The following HELQ variants were observed in gnomAD, a reference collection of about 807,000 sequenced individuals.
HELQ encodes the protein helicase POLQ-like.
In HELQ, 77 loss-of-function variants were observed where a neutral mutation model predicts 111.6. The observed-to-expected ratio is 0.69, with a 90% CI of 0.57 to 0.83. The LOEUF is 0.83. Among genes scored for constraint, HELQ ranks in the 40% least tolerant of loss-of-function variants. The probability of loss-of-function intolerance (pLI) is 0.00; values close to 1 mark genes in which losing one functional copy is unlikely to be tolerated. For missense variants in HELQ, 1,200 were observed against 1,288.5 expected (o/e 0.93, Z 1.05); for synonymous variants, 438 against 454.7 (o/e 0.96, Z 0.47).
At position 83,432,132 on chromosome 4, in the gene HELQ, T is replaced by C. The variant is rs1007570672; in HGVS notation, c.2184A>G (p.Lys728=). The C allele has an allele frequency of 3.2e-6, 5 of 1,577,940 alleles. No homozygotes were observed. The African/African-American group carries it at 6.8e-5, about 22-fold the overall frequency. Residue 728 remains lysine (K), a synonymous_variant, in exon 10 of 18, where the codon AAA becomes AAG. Coordinates refer to ENST00000295488, the MANE Select transcript of HELQ (RefSeq NM_133636.5). ...ESILILQEKD[K]QQVLELITKP... ...CAACCAAATTGAGTATTACCTGTTG[T>C]TTGTCTTTTTCTTGCAATATGAGGA...
At chr4:83,421,009 C>T (rs1433188089) in intron 15 of HELQ, among the ~76,000 whole-genome samples, 1 of 152,174 alleles carries the variant, frequency 6.6e-6, no homozygotes, top group Non-Finnish European at 1.5e-5. Context: ...AGTTTTCCCA[C>T]ATTGCTCAAG....
At chr4:83,435,949 G>A (rs1474263384) in intron 9 of HELQ, among the ~76,000 whole-genome samples, 1 of 143,674 alleles carries the variant, frequency 7.0e-6, no homozygotes, top group African/African-American at 2.6e-5. Flanking sequence ...GAAAATAAAA[G>A]AATGGAAAAA....
At chr4:83,436,408 G>A (rs1011396713) in intron 9 of HELQ, among the ~76,000 whole-genome samples, 12 of 152,020 alleles carry the variant, frequency 7.9e-5, no homozygotes, top group Non-Finnish European at 1.6e-4. Flanking sequence ...AATTACACAG[G>A]CCTACACCTT....
At chr4:83,442,959 C>T (rs1435705079) in intron 6 of HELQ, among the ~76,000 whole-genome samples, 1 of 152,106 alleles carries the variant, frequency 6.6e-6, no homozygotes, top group Non-Finnish European at 1.5e-5. Flanking sequence ...ACTAGTAGTG[C>T]ACACAAAAAT....
At chr4:83,438,426 C>T (rs1181778740) in intron 8 of HELQ, among the ~76,000 whole-genome samples, 2 of 152,116 alleles carry the variant, frequency 1.3e-5, no homozygotes, top group Non-Finnish European at 2.9e-5. Context: ...GTCCATACAA[C>T]TAAGTGTGAA....
intron 5 of HELQ, among the ~76,000 whole-genome samples, chr4:83,445,461 A>G (rs1032056945): frequency 1.3e-5 from 2 of 152,248 alleles, no homozygotes; most frequent in East Asian, 1.9e-4. Flanking sequence ...ATATTGCAAT[A>G]GCATATCAAT....
Position 83,453,721 on chromosome 4 carries a change from T to C in HELQ, c.522A>G (p.Thr174=), listed in dbSNP as rs1284477655. 15 of 1,613,978 alleles carry C rather than the reference T, an allele frequency of 9.3e-6. No homozygotes were observed. Among genetic ancestry groups the C allele is most frequent in the Non-Finnish European group, 1.2e-5 (14 of 1,179,920 alleles). ...CACCTTCATATCCACTCTGGTTCTC[T>C]GTGTGCTTATCAGTTTGTAATTCAG... is the stretch of plus-strand genomic sequence containing the variant. ...NLTELQTDKH[T]ENQSGYEGVT... The change falls in exon 2 of 18, where the codon ACA becomes ACG. Residue 174 remains threonine (T), a synonymous_variant. Coordinates refer to ENST00000295488, the MANE Select transcript of HELQ (RefSeq NM_133636.5).
chr4:83,425,231 G>T (rs1487362740), intron 14 of HELQ, among the ~76,000 whole-genome samples: 2 of 142,148 alleles, frequency 1.4e-5, no homozygotes, highest in African/African-American at 5.4e-5. Context: ...AGTGACCCAA[G>T]ATCATGCCAC....
intron 17 of HELQ, among the ~76,000 whole-genome samples, chr4:83,408,695 G>A (rs1372144124): frequency 6.6e-6 from 1 of 151,768 alleles, no homozygotes; most frequent in Non-Finnish European, 1.5e-5. Flanking sequence ...ATTATAGTGT[G>A]AGCCACTACA....
intron 17 of HELQ, among the ~76,000 whole-genome samples, chr4:83,415,523 GGA>G (rs1739311978): frequency 6.6e-6 from 1 of 152,158 alleles, no homozygotes; most frequent in African/African-American, 2.4e-5. Flanking sequence ...GCTCAAAGGT[GGA>G]GAGACCAGAT....
chr4:83,445,070 C>A (rs1006544168), intron 5 of HELQ, among the ~76,000 whole-genome samples: 1 of 152,052 alleles, frequency 6.6e-6, no homozygotes, highest in Non-Finnish European at 1.5e-5. Flanking sequence ...ATGAGGTAAA[C>A]CAGATAGGAT....
At chr4:83,444,240 C>A (rs545272273) in intron 5 of HELQ, among the ~76,000 whole-genome samples, 1 of 152,048 alleles carries the variant, frequency 6.6e-6, no homozygotes, top group Non-Finnish European at 1.5e-5. Context: ...ATCCCCTTTA[C>A]GAAGAGCTAT....
chr4:83,446,051 T>G lies in HELQ; in HGVS notation c.1428A>C (p.Thr476=), dbSNP rs369659384. ...HMIGEGSRGA[T]LEMTLAKILY... is the part of the protein sequence containing the mutation. ...GGATTTTTGCTAGGGTCATTTCCAG[T>G]GTAGCTCCACGGCTTCCTTCACCAA... The change falls in exon 5 of 18, where the codon ACA becomes ACC. Residue 476 remains threonine, a synonymous_variant. Coordinates refer to ENST00000295488, the MANE Select transcript of HELQ (RefSeq NM_133636.5). 198 of 1,613,402 alleles carry G rather than the reference T, an allele frequency of 1.2e-4. No homozygotes were observed. Among genetic ancestry groups the G allele is most frequent in the Middle Eastern group, 9.9e-4 (6 of 6,084 alleles).
In HELQ at chr4:83,435,071, A is replaced by G. The variant is rs200100956; in HGVS notation, c.2048+1787T>C. Reference sequence around the variant, plus strand: ...TCCTGGGTTCAAACACTGGCTTTAAAACTCATTTGTTGGAAAATGAGTTGG... The same window carrying G: ...TCCTGGGTTCAAACACTGGCTTTAAGACTCATTTGTTGGAAAATGAGTTGG... On this transcript the variant is annotated intron_variant, in intron 9 of 17. Coordinates refer to ENST00000295488, the MANE Select transcript of HELQ (RefSeq NM_133636.5). Among the ~76,000 whole-genome samples the G allele has an allele frequency of 4.5e-4, 69 of 152,348 alleles. 1 individual carries two copies. Among genetic ancestry groups the G allele is most frequent in the Non-Finnish European group, 8.5e-4 (58 of 68,022 alleles).
chr4:83,436,082 A>G (rs1210187643), intron 9 of HELQ, among the ~76,000 whole-genome samples: 1 of 152,122 alleles, frequency 6.6e-6, no homozygotes, highest in Non-Finnish European at 1.5e-5. Context: ...ATTTGAAGTA[A>G]ACCTTTGTAT....
At chr4:83,435,019 G>A (rs1720375496) in intron 9 of HELQ, among the ~76,000 whole-genome samples, 3 of 152,284 alleles carry the variant, frequency 2.0e-5, no homozygotes, top group South Asian at 4.1e-4. Flanking sequence ...ATGAAAAGTA[G>A]TACTGTTGGG....
At chr4:83,453,993 A>C (rs1221572775) in intron 1 of HELQ, 48 bp from the exon 2 acceptor site, 1 of 1,168,194 alleles carries the variant, frequency 8.6e-7, no homozygotes, top group Admixed American at 2.1e-5. Context: ...TTTCATTAAG[A>C]ATAAAAGCTT....
chr4:83,420,631 A>G (rs930750924), intron 15 of HELQ, among the ~76,000 whole-genome samples: 9 of 152,148 alleles, frequency 5.9e-5, no homozygotes, highest in Non-Finnish European at 2.9e-5. Context: ...CTAAAAATAC[A>G]TAAGTTAACT....
intron 17 of HELQ, among the ~76,000 whole-genome samples, chr4:83,413,792 A>G (rs775372924): frequency 1.3e-5 from 2 of 152,194 alleles, no homozygotes; most frequent in African/African-American, 2.4e-5. Flanking sequence ...AGCCACATGG[A>G]AAGGCCATAT....
Sources: allele counts gnomAD v4.1 joint callset (sites outside exome capture counted in the v4.1 genomes callset), GRCh38; gene constraint gnomAD v4.1.1; transcripts MANE v1.5; gene names NCBI Gene and HGNC (gene_info 2026-07-23, HGNC 2026-07-21).